The following ACER3 variants were observed in gnomAD, a reference collection of about 807,000 sequenced individuals.
The protein encoded by ACER3 is alkaline ceramidase 3, also known as alkCDase 3.
ACER3 carries 16 observed loss-of-function variants against 48.9 expected under a neutral mutation model. The ratio of observed to expected loss-of-function variants is 0.33; its 90% CI spans 0.22 to 0.50. The LOEUF (loss-of-function observed/expected upper bound fraction) is 0.50, where lower values mean the gene tolerates loss of function less well. ACER3 is among the 20% of genes least tolerant of loss of function. The pLI is 0.98. For synonymous variants in ACER3, 109 were observed against 107.8 expected, an observed-to-expected ratio of 1.01 and a Z score of -0.07; for missense variants, 227 against 326.0, an observed-to-expected ratio of 0.70 and a Z score of 2.34.
intron 2 of ACER3, among the ~76,000 whole-genome samples, chr11:76,953,357 G>A (rs1276999314): frequency 6.6e-6 from 1 of 152,136 alleles, no homozygotes; most frequent in Non-Finnish European, 1.5e-5. Flanking sequence ...CCAGCGCTTT[G>A]GGAGGCCGAG....
rs367784813 is a variant in ACER3 at position 76,949,392 on chromosome 11, AT to A, written c.215-9585del. ...TAATTTCTACAGATATGAATTTTAT[AT>A]TAACTTTGATGTCACAAACAGGCAA... On this transcript the variant is annotated intron_variant, in intron 2 of 10. Coordinates refer to ENST00000532485, the MANE Select transcript of ACER3 (RefSeq NM_018367.7). 2.6e-3 allele frequency among the ~76,000 whole-genome samples: 398 copies of A among 152,286 alleles called. 2 individuals are homozygous for A. The highest frequency in any genetic ancestry group is 9.1e-3 in the African/African-American group (378 of 41,552).
chr11:76,917,391 C>T (rs1946560887), intron 1 of ACER3, among the ~76,000 whole-genome samples: 1 of 151,984 alleles, frequency 6.6e-6, no homozygotes, highest in South Asian at 2.1e-4. Context: ...AAATATTTTT[C>T]TAAACTATTA....
chr11:77,012,497 CA>C (rs1354693842), intron 7 of ACER3, among the ~76,000 whole-genome samples: 2 of 145,326 alleles, frequency 1.4e-5, no homozygotes, highest in Non-Finnish European at 3.0e-5. Context: ...AGTCCATATT[CA>C]AAATCATATT....
intron 1 of ACER3, among the ~76,000 whole-genome samples, chr11:76,861,740 C>T (rs1944945706): frequency 6.6e-6 from 1 of 152,180 alleles, no homozygotes; most frequent in African/African-American, 2.4e-5. Flanking sequence ...TTGCACCTAG[C>T]CTGTACCTTC....
intron 5 of ACER3, among the ~76,000 whole-genome samples, chr11:76,989,919 T>G (rs532342100): frequency 5.9e-4 from 90 of 152,346 alleles, no homozygotes. Flanking sequence ...CTAGGGTTTG[T>G]GTAACTGCGA....
chr11:76,999,522 C>T (rs1948985912), intron 7 of ACER3, among the ~76,000 whole-genome samples: 1 of 151,964 alleles, frequency 6.6e-6, no homozygotes, highest in African/African-American at 2.4e-5. Context: ...AATATCAAAA[C>T]CAAGGCTTGA....
chr11:76,902,339 T>A (rs1002393253), intron 1 of ACER3, among the ~76,000 whole-genome samples: 1 of 152,204 alleles, frequency 6.6e-6, no homozygotes, highest in Non-Finnish European at 1.5e-5. Context: ...AATCTATAGA[T>A]AGGCCTTTCC....
intron 2 of ACER3, among the ~76,000 whole-genome samples, chr11:76,943,755 C>G (rs1225688309): frequency 6.6e-6 from 1 of 150,672 alleles, no homozygotes; most frequent in African/African-American, 2.4e-5. Context: ...GAAGACCCCC[C>G]CCCCCACTAT....
intron 1 of ACER3, among the ~76,000 whole-genome samples, chr11:76,895,974 C>G (rs1419281371): frequency 1.3e-5 from 2 of 152,146 alleles, no homozygotes; most frequent in African/African-American, 2.4e-5. Context: ...CTTAGTCCCC[C>G]TGTTCTTTCC....
At position 76,862,406 on chromosome 11, in the gene ACER3, T is replaced by C. The variant is rs76774862; in HGVS notation, c.103+1327T>C. Among the ~76,000 whole-genome samples the C allele has an allele frequency of 7.6e-3, 1,161 of 152,330 alleles. 6 individuals carry two copies. Among genetic ancestry groups the C allele is most frequent in the Middle Eastern group, 0.014 (4 of 294 alleles). On this transcript the variant is annotated intron_variant, in intron 1 of 10. Transcript: ENST00000532485. ...TATTAAATTAATAATTTTTACATAA[T>C]CATGGAGAAATATTGGCAAAGGGAT...
chr11:76,946,332 A>G (rs1327866200), intron 2 of ACER3, among the ~76,000 whole-genome samples: 1 of 151,764 alleles, frequency 6.6e-6, no homozygotes, highest in Non-Finnish European at 1.5e-5. Context: ...GGAAGGCAGC[A>G]TGGGCAAGAA....
intron 1 of ACER3, among the ~76,000 whole-genome samples, chr11:76,905,120 G>A (rs1050829543): frequency 5.9e-5 from 9 of 152,192 alleles, no homozygotes; most frequent in East Asian, 1.9e-4. Flanking sequence ...CCAAAGTGCC[G>A]GGTTTACAAG....
At chr11:76,917,776 A>C (rs1159922019) in intron 1 of ACER3, among the ~76,000 whole-genome samples, 1 of 151,406 alleles carries the variant, frequency 6.6e-6, no homozygotes, top group Non-Finnish European at 1.5e-5. Context: ...TGGGAGGATC[A>C]CTTGAGCCCA....
At chr11:76,894,611 G>C (rs945166712) in intron 1 of ACER3, among the ~76,000 whole-genome samples, 2 of 152,140 alleles carry the variant, frequency 1.3e-5, no homozygotes, top group Non-Finnish European at 2.9e-5. Context: ...AATGTTAATG[G>C]ATATATTTAT....
At chr11:77,012,512 C>T (rs1949290491) in intron 7 of ACER3, among the ~76,000 whole-genome samples, 1 of 148,790 alleles carries the variant, frequency 6.7e-6, no homozygotes, top group South Asian at 2.2e-4. Flanking sequence ...TCATATTTCT[C>T]TGTTCTAGCA....
chr11:76,941,310 G>A (rs1947338694), intron 2 of ACER3, among the ~76,000 whole-genome samples: 1 of 151,996 alleles, frequency 6.6e-6, no homozygotes, highest in South Asian at 2.1e-4. Context: ...TAATTTATGA[G>A]GTTTCTGGTT....
intron 2 of ACER3, among the ~76,000 whole-genome samples, chr11:76,945,888 C>T (rs1443842390): frequency 2.0e-5 from 3 of 152,174 alleles, no homozygotes; most frequent in East Asian, 3.9e-4. Flanking sequence ...CCACAGCTGC[C>T]TGAAACAGGG....
chr11:76,922,590 A>G, intron 1 of ACER3, among the ~76,000 whole-genome samples: 1 of 152,180 alleles, frequency 6.6e-6, no homozygotes, highest in East Asian at 1.9e-4. Flanking sequence ...TATTCTGAAT[A>G]AAATACTCTG....
At chr11:76,995,638 T>C (rs1011807118) in intron 6 of ACER3, among the ~76,000 whole-genome samples, 1 of 152,114 alleles carries the variant, frequency 6.6e-6, no homozygotes, top group Non-Finnish European at 1.5e-5. Context: ...TCTATAAGTT[T>C]AGAAATCAAA....
Sources: gnomAD v4.1 joint callset for allele counts (sites outside exome capture counted in the v4.1 genomes callset) on GRCh38, gnomAD v4.1.1 for gene constraint, MANE v1.5 for transcripts, NCBI Gene and HGNC (gene_info 2026-07-23, HGNC 2026-07-21) for gene names.